Variants in ASTN2 observed in about 807,000 individuals in gnomAD.
ASTN2 encodes the protein astrotactin-2.
ASTN2 carries 54 observed loss-of-function variants against 139.8 expected under a neutral mutation model. The ratio of observed to expected loss-of-function variants is 0.39; its 90% confidence interval spans 0.31 to 0.48. The LOEUF (loss-of-function observed/expected upper bound fraction) is 0.48, where lower values mean the gene tolerates loss of function less well. ASTN2 is among the 20% of genes least tolerant of loss of function. The probability of loss-of-function intolerance (pLI) is 0.95; values close to 1 mark genes in which losing one functional copy is unlikely to be tolerated. For missense variants in ASTN2, 1,565 were observed against 1,725.1 expected, an observed-to-expected ratio of 0.91 and a Z score of 1.64; for synonymous variants, 756 against 719.5, an observed-to-expected ratio of 1.05 and a Z score of -0.81.
At chr9:116,479,223 A>C (rs1849090395) in intron 20 of ASTN2, among the ~76,000 whole-genome samples, 1 of 152,154 alleles carries the variant, frequency 6.6e-6, no homozygotes, top group African/African-American at 2.4e-5. Context: ...CAAGCCCTGG[A>C]GGGCTCCTGA....
chr9:116,685,780 G>C (rs755947560), intron 16 of ASTN2, among the ~76,000 whole-genome samples: 5 of 151,698 alleles, frequency 3.3e-5, no homozygotes, highest in Non-Finnish European at 7.4e-5. Flanking sequence ...GGAGAAGAGA[G>C]ATTTTTTTTT....
At position 116,620,435 on chromosome 9, in the gene ASTN2, C is replaced by T; in HGVS notation, c.3081G>A (p.Lys1027=). 1.2e-6 allele frequency: 2 copies of T among 1,614,094 alleles called. No individual in the cohort carries two copies. The highest frequency in any genetic ancestry group is 2.2e-5 in the East Asian group (1 of 44,872). Residue 1027 remains lysine (K), a synonymous_variant, in exon 18 of 23, where the codon AAG becomes AAA. Transcript: ENST00000313400. ...IQDNGTKEAF[K]SALMSSYWCS... is the part of the protein sequence containing the mutation. ...ACCAGTAGGAACTCATCAGTGCACT[C>T]TTGAAGGCCTGGACAAAAAAAGAGG...
chr9:116,741,422 A>G (rs1333798680), intron 13 of ASTN2, among the ~76,000 whole-genome samples: 2 of 152,130 alleles, frequency 1.3e-5, no homozygotes, highest in African/African-American at 4.8e-5. Flanking sequence ...AAGCCTCAAA[A>G]AAGGTTGCCT....
chr9:117,128,656 A>G (rs1216965483), intron 4 of ASTN2, among the ~76,000 whole-genome samples: 4 of 152,344 alleles, frequency 2.6e-5, no homozygotes, highest in African/African-American at 9.6e-5. Flanking sequence ...AAACTCCTCC[A>G]TAGTTAGCTT....
At chr9:116,631,579 G>C (rs933420152) in intron 17 of ASTN2, among the ~76,000 whole-genome samples, 2 of 152,132 alleles carry the variant, frequency 1.3e-5, no homozygotes, top group Admixed American at 1.3e-4. Flanking sequence ...AAGAGAGAGA[G>C]AGGGGGATGA....
intron 1 of ASTN2, among the ~76,000 whole-genome samples, chr9:117,296,939 C>T (rs1183352802): frequency 1.3e-5 from 2 of 152,264 alleles, no homozygotes; most frequent in Admixed American, 1.3e-4. Context: ...GGGTAGACTG[C>T]CATCCTGCCT....
Position 116,487,408 on chromosome 9 carries a change from T to A in ASTN2, c.3448A>T (p.Ser1150Cys). The change falls in exon 20 of 23, where the codon AGT becomes TGT. Residue 1150 changes from serine (S) to cysteine (C), a missense_variant. Transcript: ENST00000313400. ...CACTTGAAGATGACTGAGTAGATAC[T>A]GACTTCAGGGACCTCTCCATGGCTT... ...GRSHGEVPEVSIYSVIFKCLE... is the reference protein window; with the variant it reads ...GRSHGEVPEVCIYSVIFKCLE... 6.2e-7 allele frequency: 1 copy of A among 1,614,054 alleles called. No individual in the cohort carries two copies. Among genetic ancestry groups the A allele is most frequent in the Non-Finnish European group, 8.5e-7 (1 of 1,179,986 alleles).
At chr9:117,140,023 C>A (rs1390920008) in intron 4 of ASTN2, among the ~76,000 whole-genome samples, 2 of 152,198 alleles carry the variant, frequency 1.3e-5, no homozygotes, top group African/African-American at 4.8e-5. Context: ...AGACAGATTA[C>A]AATAGCTGTT....
At chr9:116,816,707 T>G (rs573467160) in intron 12 of ASTN2, among the ~76,000 whole-genome samples, 1 of 152,146 alleles carries the variant, frequency 6.6e-6, no homozygotes, top group African/African-American at 2.4e-5. Context: ...GCTATGAGGC[T>G]ATCACAGGGA....
chr9:116,672,423 T>A (rs917539822), intron 16 of ASTN2, among the ~76,000 whole-genome samples: 3 of 152,196 alleles, frequency 2.0e-5, no homozygotes, highest in Non-Finnish European at 4.4e-5. Context: ...TTTGTTAGGT[T>A]GTATAAGAGT....
intron 7 of ASTN2, among the ~76,000 whole-genome samples, chr9:116,982,715 G>T (rs1302305003): frequency 6.6e-6 from 1 of 152,112 alleles, no homozygotes; most frequent in African/African-American, 2.4e-5. Flanking sequence ...ATAGGCACGT[G>T]CCATCATTCC....
At chr9:116,806,644 C>A (rs1318816155) in intron 12 of ASTN2, among the ~76,000 whole-genome samples, 1 of 152,110 alleles carries the variant, frequency 6.6e-6, no homozygotes, top group Admixed American at 6.5e-5. Flanking sequence ...CAGACCTGTA[C>A]AAATGCCATT....
chr9:116,885,709 T>A (rs950590268), intron 10 of ASTN2, among the ~76,000 whole-genome samples: 1 of 152,000 alleles, frequency 6.6e-6, no homozygotes, highest in Admixed American at 6.6e-5. Flanking sequence ...AAACCTCTTA[T>A]CTCTAAATAG....
chr9:117,134,585 C>G (rs2132845323), intron 4 of ASTN2, among the ~76,000 whole-genome samples: 1 of 152,180 alleles, frequency 6.6e-6, no homozygotes, highest in South Asian at 2.1e-4. Context: ...ACCCCCTGCA[C>G]AGCTTCATCC....
chr9:116,570,372 T>G (rs1295797533), intron 19 of ASTN2, among the ~76,000 whole-genome samples: 1 of 150,664 alleles, frequency 6.6e-6, no homozygotes, highest in Non-Finnish European at 1.5e-5. Context: ...TTCTACAGGT[T>G]TTAACATGAG....
At chr9:117,399,727 A>G (rs1255456051) in intron 1 of ASTN2, among the ~76,000 whole-genome samples, 2 of 152,244 alleles carry the variant, frequency 1.3e-5, no homozygotes, top group Non-Finnish European at 2.9e-5. Context: ...TGGAAGGACC[A>G]CTGAAGAATT....
chr9:117,329,167 G>A (rs1554720125), intron 1 of ASTN2, among the ~76,000 whole-genome samples: 3 of 143,816 alleles, frequency 2.1e-5, no homozygotes, highest in Non-Finnish European at 4.5e-5. Context: ...GTAACCTACT[G>A]CACTTCCAAG....
intron 17 of ASTN2, among the ~76,000 whole-genome samples, chr9:116,647,013 T>C (rs1175288807): frequency 6.6e-6 from 1 of 152,218 alleles, no homozygotes; most frequent in Non-Finnish European, 1.5e-5. Context: ...TTGGGCATTC[T>C]ACCAGCAATG....
intron 20 of ASTN2, 129 bp downstream of exon 20, chr9:116,487,230 C>T: frequency 8.4e-7 from 1 of 1,196,838 alleles, no homozygotes; most frequent in Non-Finnish European, 1.2e-6. Flanking sequence ...ACCTTAGAAT[C>T]TCAAGTTGCA....
Sources: allele counts gnomAD v4.1 joint callset (sites outside exome capture counted in the v4.1 genomes callset), GRCh38; gene constraint gnomAD v4.1.1; transcripts MANE v1.5; gene names NCBI Gene and HGNC (gene_info 2026-07-23, HGNC 2026-07-21).